Variants in PLD5 observed in about 807,000 individuals in gnomAD.
PLD5 encodes phospholipase D family member 5, also known as inactive phospholipase D5.
PLD5 carries 36 observed loss-of-function variants against 61.1 expected under a neutral mutation model. The ratio of observed to expected loss-of-function variants is 0.59; its 90% CI spans 0.45 to 0.78. PLD5 has a LOEUF of 0.78. PLD5 is among the 30% of genes least tolerant of loss of function. PLD5 has a pLI of 0.00. For synonymous variants in PLD5, 243 were observed against 242.8 expected (o/e 1.00, Z -0.01); for missense variants, 515 against 644.4 (o/e 0.80, Z 2.17).
At chr1:242,186,355 G>GTACTT (rs1667888858) in intron 5 of PLD5, among the ~76,000 whole-genome samples, 6 of 152,070 alleles carry the variant, frequency 3.9e-5, no homozygotes, top group African/African-American at 1.4e-4. Context: ...GTTAATTTTT[G>GTACTT]TACTTTTAGT....
chr1:242,152,240 G>A (rs1558277225), intron 5 of PLD5, among the ~76,000 whole-genome samples: 2 of 152,010 alleles, frequency 1.3e-5, no homozygotes, highest in Non-Finnish European at 2.9e-5. Context: ...GTCAGCAGTA[G>A]TGGGTTCAGT....
rs184634197 is a variant in PLD5 at position 242,104,710 on chromosome 1, G to A, written c.1239+2961C>T. On this transcript the variant is annotated intron_variant, in intron 8 of 9. Coordinates refer to ENST00000536534, the MANE Select transcript of PLD5 (RefSeq NM_001372062.1). The stretch of plus-strand genomic sequence containing the variant: ...TCTCTTAAGTTTTTTTGTAGAGATG[G>A]GGGTCTCCCTACTTTGCCCAGGCAG... Among the ~76,000 whole-genome samples, 29 of 152,132 alleles carry A rather than the reference G, an allele frequency of 1.9e-4. No homozygotes were observed. The East Asian group carries it at 5.1e-3, about 27-fold the overall frequency.
At chr1:242,290,889 A>G (rs1280982977) in intron 2 of PLD5, among the ~76,000 whole-genome samples, 2 of 151,478 alleles carry the variant, frequency 1.3e-5, no homozygotes, top group Non-Finnish European at 3.0e-5. Flanking sequence ...TGTTGGATTA[A>G]TCTTTTAAAA....
intron 5 of PLD5, among the ~76,000 whole-genome samples, chr1:242,169,867 C>G: frequency 6.6e-6 from 1 of 152,192 alleles, no homozygotes; most frequent in East Asian, 1.9e-4. Flanking sequence ...CTGCTATGGC[C>G]AGACTGCCTT....
chr1:242,261,140 G>C (rs2149097315), intron 4 of PLD5, among the ~76,000 whole-genome samples: 1 of 152,246 alleles, frequency 6.6e-6, no homozygotes, highest in East Asian at 1.9e-4. Flanking sequence ...ATATTATAAA[G>C]GCAAGGTAAA....
intron 1 of PLD5, among the ~76,000 whole-genome samples, chr1:242,415,117 G>A (rs113722177): frequency 0.037 from 5,701 of 152,294 alleles, 385 homozygotes; most frequent in African/African-American, 0.13. Flanking sequence ...TGTTGAGGCT[G>A]AGGGAAATAG....
intron 1 of PLD5, among the ~76,000 whole-genome samples, chr1:242,429,731 T>C (rs1338159757): frequency 2.0e-5 from 3 of 152,370 alleles, no homozygotes; most frequent in Middle Eastern, 3.4e-3. Flanking sequence ...TCACTCCTTC[T>C]GTGGGTTTAA....
At chr1:242,448,752 T>C (rs1462678955) in intron 1 of PLD5, among the ~76,000 whole-genome samples, 2 of 152,202 alleles carry the variant, frequency 1.3e-5, no homozygotes, top group Non-Finnish European at 1.5e-5. Flanking sequence ...TTTGCTTTAC[T>C]GGATTGAATC....
intron 5 of PLD5, among the ~76,000 whole-genome samples, chr1:242,201,761 T>C (rs1669002196): frequency 6.6e-6 from 1 of 152,216 alleles, no homozygotes; most frequent in Admixed American, 6.5e-5. Flanking sequence ...ACCTCAATAT[T>C]ATTTTGAAAA....
At chr1:242,371,206 AAC>A (rs1320820697) in intron 1 of PLD5, among the ~76,000 whole-genome samples, 1 of 152,102 alleles carries the variant, frequency 6.6e-6, no homozygotes, top group Non-Finnish European at 1.5e-5. Flanking sequence ...TTTTAGAAGG[AAC>A]ACACACACGC....
chr1:242,341,006 T>C (rs1659801160), intron 2 of PLD5, among the ~76,000 whole-genome samples: 1 of 152,054 alleles, frequency 6.6e-6, no homozygotes, highest in Admixed American at 6.6e-5. Flanking sequence ...TTCTGGTCTT[T>C]AATAGAAGTC....
At chr1:242,465,204 C>A (rs1667237630) in intron 1 of PLD5, among the ~76,000 whole-genome samples, 1 of 152,258 alleles carries the variant, frequency 6.6e-6, no homozygotes, top group South Asian at 2.1e-4. Flanking sequence ...TTCACTGATA[C>A]TCCAAATTTA....
chr1:242,262,349 C>T (rs945549166), intron 4 of PLD5, among the ~76,000 whole-genome samples: 5 of 152,222 alleles, frequency 3.3e-5, no homozygotes, highest in African/African-American at 9.6e-5. Flanking sequence ...ATGTCTGCAA[C>T]GTTCTACATC....
At chr1:242,301,452 G>C (rs1177159147) in intron 2 of PLD5, among the ~76,000 whole-genome samples, 1 of 151,966 alleles carries the variant, frequency 6.6e-6, no homozygotes, top group Non-Finnish European at 1.5e-5. Flanking sequence ...AAAACACAGG[G>C]AAATATCTCT....
intron 9 of PLD5, among the ~76,000 whole-genome samples, chr1:242,094,342 T>A (rs1296542375): frequency 6.6e-6 from 1 of 152,142 alleles, no homozygotes; most frequent in Non-Finnish European, 1.5e-5. Context: ...CTAGACAAGT[T>A]TGCAGAGCTT....
chr1:242,507,017 C>T (rs1259457679), intron 1 of PLD5, among the ~76,000 whole-genome samples: 7 of 152,262 alleles, frequency 4.6e-5, no homozygotes, highest in Non-Finnish European at 1.0e-4. Context: ...GTGGCCCAGG[C>T]GGCAGGAAGT....
intron 1 of PLD5, among the ~76,000 whole-genome samples, chr1:242,394,939 A>ATATATAT (rs1663393085): frequency 3.6e-5 from 3 of 84,220 alleles, no homozygotes; most frequent in Admixed American, 1.6e-4. Flanking sequence ...CATTATATGA[A>ATATATAT]TATATATGAT....
At chr1:242,410,341 G>A (rs1664480015) in intron 1 of PLD5, among the ~76,000 whole-genome samples, 2 of 152,240 alleles carry the variant, frequency 1.3e-5, no homozygotes, top group South Asian at 4.1e-4. Flanking sequence ...TACCTACACA[G>A]TTATACCTGG....
At chr1:242,105,085 T>C (rs1209033071) in intron 8 of PLD5, among the ~76,000 whole-genome samples, 2 of 152,156 alleles carry the variant, frequency 1.3e-5, no homozygotes, top group African/African-American at 2.4e-5. Context: ...TGAAAACTCA[T>C]GTTATACAGT....
Sources: allele counts gnomAD v4.1 joint callset (sites outside exome capture counted in the v4.1 genomes callset), GRCh38; gene constraint gnomAD v4.1.1; transcripts MANE v1.5; gene names NCBI Gene and HGNC (gene_info 2026-07-23, HGNC 2026-07-21).